WDR24: variants seen among roughly 807,000 people sequenced by gnomAD.
WDR24 encodes GATOR2 complex protein WDR24.
A neutral mutation model predicts 66.7 loss-of-function variants in WDR24; 32 were observed. The ratio of observed to expected loss-of-function variants is 0.48; its 90% CI spans 0.36 to 0.64. The LOEUF (loss-of-function observed/expected upper bound fraction) is 0.64, where lower values mean the gene tolerates loss of function less well. WDR24 is among the 30% of genes least tolerant of loss of function. The pLI is 0.00. For missense variants in WDR24, 978 were observed against 1,144.1 expected (o/e 0.85, Z 2.09); for synonymous variants, 565 against 469.1 (o/e 1.20, Z -2.64).
At position 689,356 on chromosome 16, in the gene WDR24, G is replaced by A; in HGVS notation, c.285C>T (p.Thr95=). 6.2e-7 allele frequency: 1 copy of A among 1,613,642 alleles called. No individual in the cohort carries two copies. Among genetic ancestry groups the A allele is most frequent in the Non-Finnish European group, 8.5e-7 (1 of 1,180,010 alleles). ...GGTTCCACGTGACCACCACGCCATT[G>A]GTGGCTGCTGTGGCCAGCAGGTTCT... is the stretch of plus-strand genomic sequence containing the variant. ...MDENLLATAA[T]NGVVVTWNLG... is the part of the protein sequence containing the mutation. Residue 95 remains threonine, a synonymous_variant, in exon 1 of 9, where the codon ACC becomes ACT. Transcript: ENST00000293883.
chr16:687,536 A>C, intron 2 of WDR24, 26 bp downstream of exon 2: 1 of 1,607,408 alleles, frequency 6.2e-7, no homozygotes, highest in Non-Finnish European at 8.5e-7. Context: ...CTGTCAACCT[A>C]CTGCCCCTGC....
In WDR24 at chr16:685,660, T is replaced by C. The variant is rs1177596029; in HGVS notation, c.1678+19A>G. 5.6e-6 allele frequency: 9 copies of C among 1,612,442 alleles called. No individual in the cohort carries two copies. Among genetic ancestry groups the C allele is most frequent in the Non-Finnish European group, 7.6e-6 (9 of 1,179,964 alleles). ...CTCCATCCGCCTCTGAACCCCACCC[T>C]GCCCGGACCCCCACTCACGGTGCGC... On this transcript the variant is annotated intron_variant, in intron 6 of 8. Transcript: ENST00000293883.
chr16:687,085 C>A lies in WDR24; in HGVS notation c.991G>T (p.Ala331Ser). 1 of 1,607,484 alleles carries A rather than the reference C, an allele frequency of 6.2e-7. No homozygotes were observed. Reference sequence around the variant, plus strand: ...TTGGCGCGCTCGACGGGCTGGCTGGCGTCGCGGAACAGGTGCTGGCACAGC... The same window carrying A: ...TTGGCGCGCTCGACGGGCTGGCTGGAGTCGCGGAACAGGTGCTGGCACAGC... Reference protein sequence around the residue: ...SSLCQHLFRDASQPVERANPE... With the variant: ...SSLCQHLFRDSSQPVERANPE... Residue 331 changes from alanine (A) to serine (S), a missense_variant, in exon 3 of 9, where the codon GCC becomes TCC. Ala to Ser is a moderately conservative substitution (Grantham distance 99). Transcript: ENST00000293883.
chr16:688,943 T>C (rs2039938560), intron 1 of WDR24: 1 of 678,632 alleles, frequency 1.5e-6, no homozygotes, highest in Admixed American at 3.1e-5. Context: ...TTTCTGCTGG[T>C]CTCATCTCTT....
rs147086833 is a variant in WDR24 at position 685,171 on chromosome 16, G to C, written c.2025C>G (p.His675Gln). 3.0e-4 allele frequency: 468 copies of C among 1,585,338 alleles called. No individual in the cohort carries two copies. The highest frequency in any genetic ancestry group is 3.9e-4 in the Non-Finnish European group (452 of 1,166,522). Reference protein sequence around the residue: ...RKDIDEQTQEHWYTSYIDLLQ... With the variant: ...RKDIDEQTQEQWYTSYIDLLQ... ...GCAGGTCGATGTAGGAAGTGTACCA[G>C]TGCTCCTGGGGGAGGGAGCGCCCGG... Residue 675 changes from histidine to glutamine, a missense_variant, in exon 8 of 9, where the codon CAC (histidine) becomes CAG (glutamine). His to Gln is a conservative substitution (Grantham distance 24). Around this residue, in one of 2 missense-constraint regions of WDR24, gnomAD observed 676 missense variants for 617.5 expected, o/e 1.09. Coordinates refer to ENST00000293883, the MANE Select transcript of WDR24 (RefSeq NM_032259.4).
In WDR24 at chr16:687,278, G is replaced by A. The variant is rs897850188; in HGVS notation, c.798C>T (p.His266=). ...RVKWRPECRH[H]LATCSMMVDH... ...CCACCATCATGGAGCACGTGGCCAG[G>A]TGGTGGCGGCACTCTGGCCGCCACT... The change falls in exon 3 of 9, where the codon CAC becomes CAT. Residue 266 remains histidine, a synonymous_variant. Transcript: ENST00000293883. 7 of 1,611,514 alleles carry A rather than the reference G, an allele frequency of 4.3e-6. No individual in the cohort carries two copies. The Admixed American group carries it at 6.7e-5, about 15-fold the overall frequency.
Position 689,621 on chromosome 16 carries a change from A to C in WDR24, c.20T>G (p.Val7Gly). Residue 7 changes from valine (V) to glycine (G), a missense_variant, in exon 1 of 9, where the codon GTG (valine) becomes GGG (glycine). Physicochemically the swap from Val to Gly is moderately radical, Grantham distance 109 (BLOSUM62 -3). Around this residue, in one of 2 missense-constraint regions of WDR24, gnomAD observed 302 missense variants for 526.6 expected, o/e 0.57. Transcript: ENST00000293883. ...CACGCTGCCACCCAGGGCTGTGGTCACACGGGACATCTTCTCCATGGCTGC... is the reference window on the plus strand; with the variant it reads ...CACGCTGCCACCCAGGGCTGTGGTCCCACGGGACATCTTCTCCATGGCTGC... Reference protein sequence around the residue: MEKMSRVTTALGGSVLT... With the variant: MEKMSRGTTALGGSVLT... 8 of 1,612,536 alleles carry C rather than the reference A, an allele frequency of 5.0e-6. No individual in the cohort carries two copies. Among genetic ancestry groups the C allele is most frequent in the Non-Finnish European group, 6.8e-6 (8 of 1,179,732 alleles).
Position 685,277 on chromosome 16 carries a change from C to G in WDR24, c.1999G>C (p.Asp667His). 6.3e-7 allele frequency: 1 copy of G among 1,595,016 alleles called. No homozygotes were observed. The highest frequency in any genetic ancestry group is 8.5e-7 in the Non-Finnish European group (1 of 1,170,898). The change falls in exon 7 of 9, where the codon GAC becomes CAC. Residue 667 changes from aspartate to histidine, a missense_variant. Physicochemically the swap from Asp to His is moderately conservative, Grantham distance 81 (BLOSUM62 -1). This residue lies in a region of WDR24 where 676 missense variants were observed against 617.5 expected (regional missense o/e 1.09). Transcript: ENST00000293883. ...LIVLGERVRK[D>H]IDEQTQEHWY... ...CACACCTGGGTCTGCTCGTCGATGT[C>G]CTTGCGCACCCGTTCACCCAGGACG...
chr16:684,783 C>T lies in WDR24; in HGVS notation c.2324G>A (p.Gly775Asp). The change falls in exon 9 of 9, where the codon GGC (glycine) becomes GAC (aspartate). Residue 775 changes from glycine (G) to aspartate (D), a missense_variant. Physicochemically the swap from Gly to Asp is moderately conservative, Grantham distance 94 (BLOSUM62 -1). This residue lies in a region of WDR24 where 676 missense variants were observed against 617.5 expected (regional missense o/e 1.09). Coordinates refer to ENST00000293883, the MANE Select transcript of WDR24 (RefSeq NM_032259.4). ...GCAGCCTGCGGGACAGTGGGAGCTG[C>T]CTTCCAGCCACTTCATGATGTGCTG... ...HLQHIMKWLE[G>D]SSHCPAGCGH... 1 of 1,596,562 alleles carries T rather than the reference C, an allele frequency of 6.3e-7. No individual in the cohort carries two copies. Among genetic ancestry groups the T allele is most frequent in the Non-Finnish European group, 8.5e-7 (1 of 1,173,424 alleles).
At position 686,685 on chromosome 16, in the gene WDR24, G is replaced by A; in HGVS notation, c.1332+59C>T. On this transcript the variant is annotated intron_variant, in intron 3 of 8. Coordinates refer to ENST00000293883, the MANE Select transcript of WDR24 (RefSeq NM_032259.4). ...GGTGGGGTGAGCGCAGCTGACGGAG[G>A]AACCAGCCCCTGCCCTGAGGTCGTG... 3 of 1,522,556 alleles carry A rather than the reference G, an allele frequency of 2.0e-6. No homozygotes were observed. In the South Asian group the frequency reaches 3.9e-5, roughly 20 times the overall value. The allele number at this position is 1,522,556 out of a possible 1,614,324, so 94.3% of individuals were successfully genotyped here.
Position 686,182 on chromosome 16 carries a change from G to T in WDR24, c.1337C>A (p.Ala446Glu). The T allele has an allele frequency of 6.2e-7, 1 of 1,612,494 alleles. No homozygotes were observed. The highest frequency in any genetic ancestry group is 8.5e-7 in the Non-Finnish European group (1 of 1,179,876). Residue 446 changes from alanine (A) to glutamate (E), a missense_variant, in exon 4 of 9, where the codon GCG becomes GAG. Around this residue, in one of 2 missense-constraint regions of WDR24, gnomAD observed 676 missense variants for 617.5 expected, o/e 1.09. Transcript: ENST00000293883. ...GATCCGCAGCATGGTCCACGTTTGC[G>T]CCACCTAGGGGCGGGCACTGGTCAC... is the stretch of plus-strand genomic sequence containing the variant. ...VARELGRNQV[A>E]QTWTMLRIIY... is the part of the protein sequence containing the mutation.
In WDR24 at chr16:685,671, C is replaced by T; in HGVS notation, c.1678+8G>A. 1 of 1,612,876 alleles carries T rather than the reference C, an allele frequency of 6.2e-7. No individual in the cohort carries two copies. The highest frequency in any genetic ancestry group is 8.5e-7 in the Non-Finnish European group (1 of 1,179,996). On this transcript the variant is annotated splice_region_variant and intron_variant, in intron 6 of 8. Coordinates refer to ENST00000293883, the MANE Select transcript of WDR24 (RefSeq NM_032259.4). Reference sequence around the variant, plus strand: ...TCTGAACCCCACCCTGCCCGGACCCCCACTCACGGTGCGCGTGTTCCGGAT... The same window carrying T: ...TCTGAACCCCACCCTGCCCGGACCCTCACTCACGGTGCGCGTGTTCCGGAT...
rs372034079 is a variant in WDR24, at chr16:687,744, A to G, written c.482-5T>C. On this transcript the variant is annotated splice_polypyrimidine_tract_variant and splice_region_variant and intron_variant, in intron 1 of 8. Transcript: ENST00000293883. The stretch of plus-strand genomic sequence containing the variant: ...CCCGCACGCTCTCCGACTGGCCTGC[A>G]GGCAGGAGGTCGATGCAGGGGAAGT... 6.2e-7 allele frequency: 1 copy of G among 1,612,008 alleles called. No homozygotes were observed. Among genetic ancestry groups the G allele is most frequent in the Non-Finnish European group, 8.5e-7 (1 of 1,179,460 alleles).
chr16:684,785 T>G lies in WDR24; in HGVS notation c.2322A>C (p.Glu774Asp), dbSNP rs778788241. 1 of 1,594,012 alleles carries G rather than the reference T, an allele frequency of 6.3e-7. No homozygotes were observed. The highest frequency in any genetic ancestry group is 2.3e-5 in the East Asian group (1 of 43,376). ...GHLQHIMKWL[E>D]GSSHCPAGCG... ...AGCCTGCGGGACAGTGGGAGCTGCC[T>G]TCCAGCCACTTCATGATGTGCTGCA... is the stretch of plus-strand genomic sequence containing the variant. The change falls in exon 9 of 9, where the codon GAA becomes GAC. Residue 774 changes from glutamate to aspartate, a missense_variant. Around this residue, in one of 2 missense-constraint regions of WDR24, gnomAD observed 676 missense variants for 617.5 expected, o/e 1.09. Transcript: ENST00000293883.
intron 1 of WDR24, 162 bp from the exon 2 acceptor site, chr16:687,901 CAG>C (rs2039928302): frequency 2.1e-6 from 2 of 931,312 alleles, no homozygotes; most frequent in Admixed American, 2.0e-5. Flanking sequence ...AGCAGCCACA[CAG>C]AGTCGCCACA....
rs745740345 is a variant in WDR24, at chr16:685,373, C to T, written c.1903G>A (p.Val635Met). ...AAGTGCAGCATGTCGCGCACCAGCACGCCGAAGAAGTCGGGCGGCAGGCGG... is the reference window on the plus strand; with the variant it reads ...AAGTGCAGCATGTCGCGCACCAGCATGCCGAAGAAGTCGGGCGGCAGGCGG... ...DSRLPPDFFGVLVRDMLHFYA... is the reference protein window; with the variant it reads ...DSRLPPDFFGMLVRDMLHFYA... The change falls in exon 7 of 9, where the codon GTG becomes ATG. Residue 635 changes from valine to methionine, a missense_variant. Around this residue, in one of 2 missense-constraint regions of WDR24, gnomAD observed 676 missense variants for 617.5 expected, o/e 1.09. Transcript: ENST00000293883. 21 of 1,612,100 alleles carry T rather than the reference C, an allele frequency of 1.3e-5. No homozygotes were observed. The highest frequency in any genetic ancestry group is 2.5e-6 in the Non-Finnish European group (3 of 1,179,884).
At chr16:687,540 C>T (rs777976939) in intron 2 of WDR24, 22 bp downstream of exon 2, 4 of 1,608,582 alleles carry the variant, frequency 2.5e-6, no homozygotes, top group South Asian at 1.1e-5. Context: ...CAACCTACTG[C>T]CCCTGCACCC....
chr16:686,338 T>C (rs763797745), intron 3 of WDR24, 152 bp from the exon 4 acceptor site: 7 of 916,558 alleles, frequency 7.6e-6, no homozygotes, highest in South Asian at 1.7e-5. Flanking sequence ...CTGAGGCTCA[T>C]GGGAAAGACA....
Position 687,343 on chromosome 16 carries a change from T to C in WDR24, c.733A>G (p.Met245Val). Residue 245 changes from methionine (M) to valine (V), a missense_variant, in exon 3 of 9, where the codon ATG becomes GTG. Physicochemically the swap from Met to Val is conservative, Grantham distance 21. This residue lies in a region of WDR24 where 302 missense variants were observed against 526.6 expected (regional missense o/e 0.57). Transcript: ENST00000293883. ...GAGGCGATGGTCTGCACACAGTGCATCTCCTTGGCACGGTGCGTGGTCATG... is the reference window on the plus strand; with the variant it reads ...GAGGCGATGGTCTGCACACAGTGCACCTCCTTGGCACGGTGCGTGGTCATG... ...WDMTTHRAKE[M>V]HCVQTIASVA... 1 of 1,607,646 alleles carries C rather than the reference T, an allele frequency of 6.2e-7. No individual in the cohort carries two copies. The highest frequency in any genetic ancestry group is 8.5e-7 in the Non-Finnish European group (1 of 1,177,308).
Sources: allele counts gnomAD v4.1 joint callset, GRCh38; gene constraint gnomAD v4.1.1; regional missense constraint gnomAD v4.1.1; transcripts MANE v1.5; gene names NCBI Gene and HGNC (gene_info 2026-07-23, HGNC 2026-07-21).